The following COL25A1 variants were observed in gnomAD, a reference collection of about 807,000 sequenced individuals.
COL25A1 encodes the protein collagen alpha-1(XXV) chain.
In COL25A1, 103 loss-of-function variants were observed where a neutral mutation model predicts 128.4. That is an observed-to-expected ratio of 0.80 (90% CI 0.68 to 0.94). The LOEUF (loss-of-function observed/expected upper bound fraction) is 0.94, where lower values mean the gene tolerates loss of function less well. COL25A1 is among the 40% of genes least tolerant of loss of function. The probability of loss-of-function intolerance (pLI) is 0.00; values close to 1 mark genes in which losing one functional copy is unlikely to be tolerated. For synonymous variants in COL25A1, 279 were observed against 277.2 expected (o/e 1.01, Z -0.06); for missense variants, 745 against 840.0 (o/e 0.89, Z 1.40).
chr4:108,841,642 C>T (rs1453717473), intron 31 of COL25A1, 53 bp downstream of exon 31: 2 of 1,463,270 alleles, frequency 1.4e-6, no homozygotes, highest in African/African-American at 1.4e-5. Context: ...TCATGCTTCT[C>T]CATGATTATC....
chr4:108,876,054 G>C (rs2125822548), intron 19 of COL25A1, among the ~76,000 whole-genome samples: 1 of 152,206 alleles, frequency 6.6e-6, no homozygotes, highest in East Asian at 1.9e-4. Context: ...ACACACCGGG[G>C]CCTGTCAGCG....
In COL25A1 at chr4:109,178,196, A is replaced by G. The variant is rs114106124; in HGVS notation, c.367+122387T>C. Among the ~76,000 whole-genome samples the G allele has an allele frequency of 7.1e-3, 1,078 of 152,304 alleles. 16 individuals carry two copies. Among genetic ancestry groups the G allele is most frequent in the African/African-American group, 0.024 (991 of 41,572 alleles). On this transcript the variant is annotated intron_variant, in intron 3 of 37. Transcript: ENST00000399132. ...ATCATTCAAATAAGGTGTAACAAAC[A>G]TCTGAAGCATTCCTTAAAAGAGGGA...
chr4:109,031,230 G>C (rs1212433183), intron 5 of COL25A1, among the ~76,000 whole-genome samples: 1 of 152,174 alleles, frequency 6.6e-6, no homozygotes, highest in Non-Finnish European at 1.5e-5. Flanking sequence ...TCTCGCCTCA[G>C]CCTTGTGAGT....
chr4:109,231,159 T>C (rs1453197352), intron 3 of COL25A1, among the ~76,000 whole-genome samples: 1 of 151,644 alleles, frequency 6.6e-6, no homozygotes, highest in African/African-American at 2.4e-5. Context: ...AAAAAAATAA[T>C]AATAAATAAA....
intron 13 of COL25A1, among the ~76,000 whole-genome samples, chr4:108,917,797 A>C (rs907689808): frequency 6.6e-6 from 1 of 152,216 alleles, no homozygotes; most frequent in Non-Finnish European, 1.5e-5. Flanking sequence ...TTAGCCAATT[A>C]TTAATACATA....
In COL25A1 at chr4:109,048,073, T is replaced by C. The variant is rs1006253484; in HGVS notation, c.420+95A>G. 4.4e-6 allele frequency: 6 copies of C among 1,349,522 alleles called. No individual in the cohort carries two copies. The African/African-American group carries it at 8.7e-5, about 20-fold the overall frequency. The allele number at this position is 1,349,522 out of a possible 1,614,324, so 83.6% of individuals were successfully genotyped here. ...TAAAAGGTCAGTAACATTTTTCTAA[T>C]AGACATAGAGACTATATTTTGGTGT... On this transcript the variant is annotated intron_variant, in intron 5 of 37. Transcript: ENST00000399132.
chr4:108,971,128 TGAAA>T (rs539076423), intron 8 of COL25A1, among the ~76,000 whole-genome samples: 18 of 152,322 alleles, frequency 1.2e-4, no homozygotes, highest in African/African-American at 4.3e-4. Context: ...TCATTTAAAA[TGAAA>T]GAATTTTCAC....
At chr4:109,203,969 T>C (rs1282539726) in intron 3 of COL25A1, among the ~76,000 whole-genome samples, 1 of 152,166 alleles carries the variant, frequency 6.6e-6, no homozygotes, top group Non-Finnish European at 1.5e-5. Flanking sequence ...GTGAAGCAAC[T>C]GCAGGAATAA....
chr4:108,876,847 A>G (rs1739512729), intron 19 of COL25A1, among the ~76,000 whole-genome samples: 1 of 152,172 alleles, frequency 6.6e-6, no homozygotes, highest in African/African-American at 2.4e-5. Flanking sequence ...TTCTTCCTGA[A>G]TTGTTTCATG....
At chr4:109,286,728 A>G (rs2881291) in intron 3 of COL25A1, among the ~76,000 whole-genome samples, 1,657 of 152,296 alleles carry the variant, frequency 0.011, 37 homozygotes, top group African/African-American at 0.038. Context: ...AAAATAAAGA[A>G]GTAACCAACC....
At chr4:108,975,515 C>T (rs1292362280) in intron 6 of COL25A1, among the ~76,000 whole-genome samples, 3 of 152,158 alleles carry the variant, frequency 2.0e-5, no homozygotes, top group Non-Finnish European at 1.5e-5. Flanking sequence ...TTCATTTCTG[C>T]TGGGTGTATA....
chr4:108,819,424 A>G, intron 35 of COL25A1, 95 bp from the exon 36 acceptor site: 1 of 975,486 alleles, frequency 1.0e-6, no homozygotes, highest in Non-Finnish European at 1.6e-6. Flanking sequence ...AAAGGCTGGG[A>G]GAGGAGCAAC....
intron 27 of COL25A1, among the ~76,000 whole-genome samples, chr4:108,847,405 C>T (rs1051274392): frequency 6.6e-6 from 1 of 151,930 alleles, no homozygotes; most frequent in African/African-American, 2.4e-5. Context: ...TGGAAAGGAA[C>T]TTTTCTTGTT....
At chr4:108,942,526 C>T (rs982501533) in intron 8 of COL25A1, among the ~76,000 whole-genome samples, 1 of 152,024 alleles carries the variant, frequency 6.6e-6, no homozygotes, top group Admixed American at 6.6e-5. Context: ...TCACTGCAAC[C>T]TCCACCTCCC....
intron 3 of COL25A1, among the ~76,000 whole-genome samples, chr4:109,247,871 CT>C (rs1162382300): frequency 1.3e-5 from 2 of 151,812 alleles, no homozygotes; most frequent in African/African-American, 4.8e-5. Context: ...TCAAAGGATG[CT>C]TTTAGCCAGC....
intron 10 of COL25A1, among the ~76,000 whole-genome samples, chr4:108,939,545 TTAA>T (rs1159006786): frequency 3.3e-5 from 5 of 152,238 alleles, no homozygotes; most frequent in Non-Finnish European, 4.4e-5. Context: ...TACCAAAACA[TTAA>T]TGAGTATTGT....
Position 109,119,331 on chromosome 4 carries a change from G to A in COL25A1, c.368-69152C>T, listed in dbSNP as rs561862372. 7.9e-5 allele frequency among the ~76,000 whole-genome samples: 12 copies of A among 151,842 alleles called. No individual in the cohort carries two copies. The East Asian group carries it at 1.9e-3, about 24-fold the overall frequency. ...AAAGAACAAATTAAATCCAGAATAA[G>A]CAGAATAAAAGAAATAATAAAAGAG... On this transcript the variant is annotated intron_variant, in intron 3 of 37. Transcript: ENST00000399132.
chr4:109,065,406 G>A (rs915983487), intron 3 of COL25A1, among the ~76,000 whole-genome samples: 4 of 151,970 alleles, frequency 2.6e-5, no homozygotes, highest in African/African-American at 7.3e-5. Flanking sequence ...CTACATTCCA[G>A]AAGAATGTAG....
At chr4:109,066,717 C>T (rs12502819) in intron 3 of COL25A1, among the ~76,000 whole-genome samples, 26,049 of 152,124 alleles carry the variant, frequency 0.17, 2,488 homozygotes, top group Non-Finnish European at 0.22. Context: ...GGCTGGAGTG[C>T]CATGGCATGA....
Sources: allele counts gnomAD v4.1 joint callset (sites outside exome capture counted in the v4.1 genomes callset), GRCh38; gene constraint gnomAD v4.1.1; transcripts MANE v1.5; gene names NCBI Gene and HGNC (gene_info 2026-07-23, HGNC 2026-07-21).